The following TRRAP variants were observed in gnomAD, a reference collection of about 807,000 sequenced individuals.
TRRAP encodes the protein transformation/transcription domain associated protein.
A neutral mutation model predicts 438.8 loss-of-function variants in TRRAP; 41 were observed. The observed-to-expected ratio is 0.09, with a 90% CI of 0.07 to 0.12. The LOEUF is 0.12. Among genes scored for constraint, TRRAP ranks in the 10% least tolerant of loss-of-function variants. TRRAP has a pLI of 1.00. For missense variants in TRRAP, 3,122 were observed against 5,055.1 expected, an observed-to-expected ratio of 0.62 and a Z score of 11.60; for synonymous variants, 1,994 against 1,962.9, an observed-to-expected ratio of 1.02 and a Z score of -0.42.
chr7:98,927,255 C>T lies in TRRAP; in HGVS notation c.3064C>T (p.Leu1022=). The part of the protein sequence containing the change: ...TPARKTFEQA[L]TGAFMSAVIK... ...AGCCCGGAAGACTTTTGAGCAGGCC[C>T]TGACAGGCGCCTTCATGTCTGCTGT... is the stretch of plus-strand genomic sequence containing the variant. Residue 1022 remains leucine (L), a synonymous_variant, in exon 23 of 73, where the codon CTG becomes TTG. Coordinates refer to ENST00000456197, the MANE Select transcript of TRRAP (RefSeq NM_001375524.1). The T allele has an allele frequency of 1.2e-6, 2 of 1,614,222 alleles. No individual in the cohort carries two copies. Among genetic ancestry groups the T allele is most frequent in the East Asian group, 2.2e-5 (1 of 44,884 alleles).
Position 98,910,292 on chromosome 7 carries a change from G to A in TRRAP, c.1587G>A (p.Lys529=), listed in dbSNP as rs141794174. 3.2e-4 allele frequency: 516 copies of A among 1,602,328 alleles called. 1 individual carries two copies. In the African/African-American group the frequency reaches 5.9e-3, roughly 18 times the overall value. The change falls in exon 15 of 73, where the codon AAG becomes AAA. Residue 529 remains lysine, a synonymous_variant. Transcript: ENST00000456197. ...VTPAPVPPFE[K]QGEKDKEDKQ... The stretch of plus-strand genomic sequence containing the variant: ...CGGCCCCCGTGCCTCCCTTCGAGAA[G>A]CAAGGAGAAAAGGACAAGGAAGACA...
chr7:99,006,941 C>T (rs1794191739), intron 69 of TRRAP, among the ~76,000 whole-genome samples: 1 of 152,242 alleles, frequency 6.6e-6, no homozygotes, highest in African/African-American at 2.4e-5. Flanking sequence ...GGGAGACAGG[C>T]TCTGGAGTGG....
rs782410908 is a variant in TRRAP at position 98,948,716 on chromosome 7, T to A, written c.4788+31T>A. On this transcript the variant is annotated intron_variant, in intron 35 of 72. Coordinates refer to ENST00000456197, the MANE Select transcript of TRRAP (RefSeq NM_001375524.1). The surrounding 1 kb of genome is among the most constrained non-coding windows in gnomAD (Gnocchi z 4.9). Reference sequence around the variant, plus strand: ...AGCTGTGAGCAGCTGGAGTCAGGGGTCCCTTCAAATGCTTGTGAGCTGTCG... The same window carrying A: ...AGCTGTGAGCAGCTGGAGTCAGGGGACCCTTCAAATGCTTGTGAGCTGTCG... 2 of 1,613,816 alleles carry A rather than the reference T, an allele frequency of 1.2e-6. No individual in the cohort carries two copies. Among genetic ancestry groups the A allele is most frequent in the Non-Finnish European group, 1.7e-6 (2 of 1,179,962 alleles).
chr7:98,936,475 A>G (rs1457293471), intron 28 of TRRAP, among the ~76,000 whole-genome samples: 4 of 152,148 alleles, frequency 2.6e-5, no homozygotes, highest in African/African-American at 9.7e-5. Context: ...GCTAGAATGA[A>G]TGTTACCTGT....
chr7:98,982,013 C>A, intron 59 of TRRAP, 53 bp downstream of exon 59: 1 of 1,449,774 alleles, frequency 6.9e-7, no homozygotes, highest in East Asian at 2.6e-5. Context: ...CGCAGCCAAG[C>A]GCCGGTGTCC....
rs1791935275 is a variant in TRRAP at position 98,962,327 on chromosome 7, T to C, written c.6729T>C (p.Tyr2243=). 7 of 1,614,016 alleles carry C rather than the reference T, an allele frequency of 4.3e-6. No individual in the cohort carries two copies. In the East Asian group the frequency reaches 1.1e-4, roughly 26 times the overall value. Residue 2243 remains tyrosine (Y), a synonymous_variant, in exon 47 of 73, where the codon TAT becomes TAC. Transcript: ENST00000456197. ...EPSTSSVASK[Y]EELECLYAAV... ...GTACTTCCAGTGTGGCCTCCAAATA[T>C]GAAGAGCTGGAGTGCCTCTACGCAG...
intron 6 of TRRAP, among the ~76,000 whole-genome samples, chr7:98,895,382 T>C (rs2116322782): frequency 6.6e-6 from 1 of 152,344 alleles, no homozygotes; most frequent in Non-Finnish European, 1.5e-5. Context: ...GGCATTGAAG[T>C]GTTAATGCTC....
intron 56 of TRRAP, among the ~76,000 whole-genome samples, chr7:98,977,796 T>C (rs1247870523): frequency 1.3e-5 from 2 of 152,220 alleles, no homozygotes; most frequent in Non-Finnish European, 2.9e-5. Flanking sequence ...CCTGCTCCGA[T>C]TACTAAAGGA....
Position 98,956,219 on chromosome 7 carries a change from G to A in TRRAP, c.6011G>A (p.Ser2004Asn), listed in dbSNP as rs1021959673. ...ATGCAGAGGCTGGGCTTCACGCCCAGTGTCACCATCGAGCAGAGGCGGCTG... is the reference window on the plus strand; with the variant it reads ...ATGCAGAGGCTGGGCTTCACGCCCAATGTCACCATCGAGCAGAGGCGGCTG... ...SAMQRLGFTP[S>N]VTIEQRRLAV... is the part of the protein sequence containing the mutation. The change falls in exon 42 of 73, where the codon AGT becomes AAT. Residue 2004 changes from serine to asparagine, a missense_variant. Physicochemically the swap from Ser to Asn is conservative, Grantham distance 46 (BLOSUM62 1). Around this residue, in one of 24 missense-constraint regions of TRRAP, gnomAD observed 992 missense variants for 1,281.2 expected, o/e 0.77. Coordinates refer to ENST00000456197, the MANE Select transcript of TRRAP (RefSeq NM_001375524.1). This position sits in a 1 kb window ranked among gnomAD's most constrained non-coding sequence, Gnocchi z 4.5. 4 of 1,613,906 alleles carry A rather than the reference G, an allele frequency of 2.5e-6. No individual in the cohort carries two copies. Among genetic ancestry groups the A allele is most frequent in the Non-Finnish European group, 3.4e-6 (4 of 1,180,036 alleles).
chr7:98,962,191 G>T, intron 46 of TRRAP, 111 bp from the exon 47 acceptor site: 1 of 1,525,278 alleles, frequency 6.6e-7, no homozygotes, highest in African/African-American at 1.4e-5. Flanking sequence ...GGAGAGAAGT[G>T]CCCGTGCCAA....
chr7:98,984,290 A>G lies in TRRAP; in HGVS notation c.9220A>G (p.Lys3074Glu). 1 of 1,608,836 alleles carries G rather than the reference A, an allele frequency of 6.2e-7. No individual in the cohort carries two copies. The highest frequency in any genetic ancestry group is 8.5e-7 in the Non-Finnish European group (1 of 1,177,212). ...TGTTCCTATCGTGGATTGCTTCCAG[A>G]AGATTCGACAGCAAGTTAAATGCTA... ...PTVPIVDCFQKIRQQVKCYLQ... is the reference protein window; with the variant it reads ...PTVPIVDCFQEIRQQVKCYLQ... The change falls in exon 61 of 73, where the codon AAG (lysine) becomes GAG (glutamate). Residue 3074 changes from lysine to glutamate, a missense_variant. Physicochemically the swap from Lys to Glu is moderately conservative, Grantham distance 56. This residue lies in a region of TRRAP where 129 missense variants were observed against 279.2 expected (regional missense o/e 0.46). Transcript: ENST00000456197.
chr7:98,980,972 T>C (rs1792888228), intron 58 of TRRAP, among the ~76,000 whole-genome samples: 1 of 152,202 alleles, frequency 6.6e-6, no homozygotes, highest in African/African-American at 2.4e-5. Context: ...GAAGATCACT[T>C]GAGCCCTGGA....
At chr7:98,983,952 C>T in intron 60 of TRRAP, 141 bp from the exon 61 acceptor site, 1 of 1,109,404 alleles carries the variant, frequency 9.0e-7, no homozygotes, top group Non-Finnish European at 1.2e-6. Context: ...GCATAAAATA[C>T]AAAGTAACGA....
intron 31 of TRRAP, among the ~76,000 whole-genome samples, chr7:98,944,357 G>GT (rs1790944727): frequency 6.6e-6 from 1 of 152,092 alleles, no homozygotes; most frequent in African/African-American, 2.4e-5. Flanking sequence ...ATGTAGCCTA[G>GT]TAAAAAAAAA....
At position 98,908,725 on chromosome 7, in the gene TRRAP, C is replaced by T; in HGVS notation, c.1116-3C>T. On this transcript the variant is annotated splice_region_variant and splice_polypyrimidine_tract_variant and intron_variant, in intron 13 of 72. Coordinates refer to ENST00000456197, the MANE Select transcript of TRRAP (RefSeq NM_001375524.1). This position sits in a 1 kb window ranked among gnomAD's most constrained non-coding sequence, Gnocchi z 4.1. Reference sequence around the variant, plus strand: ...GAGCACTAGTCGAGGTCTCTGCCCGCAGGCCCCTCGCCTACAGCACGCTGG... The same window carrying T: ...GAGCACTAGTCGAGGTCTCTGCCCGTAGGCCCCTCGCCTACAGCACGCTGG... 1.3e-6 allele frequency: 2 copies of T among 1,546,398 alleles called. No individual in the cohort carries two copies. The highest frequency in any genetic ancestry group is 1.7e-6 in the Non-Finnish European group (2 of 1,147,476).
chr7:98,889,554 T>A (rs148910560), intron 3 of TRRAP, among the ~76,000 whole-genome samples: 4 of 55,162 alleles, frequency 7.3e-5, no homozygotes, highest in Non-Finnish European at 3.7e-4. Flanking sequence ...TTTTTTTTTT[T>A]TAAAAAAAAT....
In TRRAP at chr7:99,011,162, G is replaced by A; in HGVS notation, c.11049G>A (p.Arg3683=). The change falls in exon 71 of 73, where the codon CGG becomes CGA. Residue 3683 remains arginine (R), a synonymous_variant. Transcript: ENST00000456197. The surrounding 1 kb of genome is among the most constrained non-coding windows in gnomAD (Gnocchi z 7.1). ...FPNATDYWTF[R]KMFTIQLALI... is the part of the protein sequence containing the mutation. The stretch of plus-strand genomic sequence containing the variant: ...ATGCCACGGACTACTGGACGTTCCG[G>A]AAGATGTTCACCATCCAGCTGGCTC... 3.1e-6 allele frequency: 5 copies of A among 1,614,160 alleles called. No individual in the cohort carries two copies. The highest frequency in any genetic ancestry group is 4.2e-6 in the Non-Finnish European group (5 of 1,180,036).
At chr7:98,998,974 C>G in intron 67 of TRRAP, 1 of 606,220 alleles carries the variant, frequency 1.6e-6, no homozygotes, top group Non-Finnish European at 2.9e-6. Context: ...GCCCGTGGTA[C>G]AGCCAGGCCC....
chr7:98,952,228 CAAAG>C (rs1791373630), intron 39 of TRRAP, among the ~76,000 whole-genome samples: 1 of 152,150 alleles, frequency 6.6e-6, no homozygotes, highest in African/African-American at 2.4e-5. Flanking sequence ...GAATATTCCT[CAAAG>C]AAGGCACATT....
Sources: allele counts gnomAD v4.1 joint callset (sites outside exome capture counted in the v4.1 genomes callset), GRCh38; gene constraint gnomAD v4.1.1; regional missense constraint gnomAD v4.1.1; non-coding constraint Gnocchi (gnomAD v3.1); transcripts MANE v1.5; gene names NCBI Gene and HGNC (gene_info 2026-07-23, HGNC 2026-07-21).